The following FCRL3 variants were observed in gnomAD, a reference collection of about 807,000 sequenced individuals.
FCRL3 encodes the protein Fc receptor-like protein 3.
In FCRL3, 89 loss-of-function variants were observed where a neutral mutation model predicts 75.0. That is an observed-to-expected ratio of 1.19 (90% CI 1.00 to 1.42). The LOEUF (loss-of-function observed/expected upper bound fraction) is 1.42. Ranked by LOEUF, FCRL3 falls within the 40% of genes most tolerant of loss-of-function variation. The probability of loss-of-function intolerance (pLI) is 0.00; values close to 1 mark genes in which losing one functional copy is unlikely to be tolerated. For missense variants in FCRL3, 946 were observed against 880.0 expected, an observed-to-expected ratio of 1.07 and a Z score of -0.95; for synonymous variants, 376 against 348.5, an observed-to-expected ratio of 1.08 and a Z score of -0.88.
At position 157,680,706 on chromosome 1, in the gene FCRL3, G is replaced by A. The variant is rs1654780728; in HGVS notation, c.2022C>T (p.Asn674=). The A allele has an allele frequency of 6.2e-7, 1 of 1,613,952 alleles. No individual in the cohort carries two copies. The highest frequency in any genetic ancestry group is 8.5e-7 in the Non-Finnish European group (1 of 1,179,886). The change falls in exon 13 of 15, where the codon AAC becomes AAT. Residue 674 remains asparagine (N), a synonymous_variant. Coordinates refer to ENST00000368184, the MANE Select transcript of FCRL3 (RefSeq NM_052939.4). ...QIWSIQHTKE[N]SANCPMMHQE... ...TTTGCCTGAAAGGCATCTTACCTGA[G>A]TTTTCTTTTGTATGCTGGATGCTCC... is the stretch of plus-strand genomic sequence containing the variant.
Position 157,697,957 on chromosome 1 carries a change from G to A in FCRL3, c.299-38C>T, listed in dbSNP as rs745978121. The A allele has an allele frequency of 1.2e-5, 19 of 1,595,648 alleles. No individual in the cohort carries two copies. In the Admixed American group the frequency reaches 3.1e-4, roughly 26 times the overall value. ...CAGGAGCACACTCAGGTTATCCCCTGCTGTTTCTGCCTTCACTTTCATTTC... is the reference window on the plus strand; with the variant it reads ...CAGGAGCACACTCAGGTTATCCCCTACTGTTTCTGCCTTCACTTTCATTTC... On this transcript the variant is annotated intron_variant, in intron 4 of 14. Transcript: ENST00000368184.
intron 9 of FCRL3, 37 bp from the exon 10 acceptor site, chr1:157,689,954 C>G (rs1276430436): frequency 1.2e-6 from 2 of 1,610,816 alleles, no homozygotes; most frequent in African/African-American, 2.7e-5. Context: ...TTCAGTGGCA[C>G]AGGTTTTGGA....
Position 157,690,461 on chromosome 1 carries a change from A to G in FCRL3, c.1484T>C (p.Leu495Pro), listed in dbSNP as rs144058263. 212 of 1,614,110 alleles carry G rather than the reference A, an allele frequency of 1.3e-4. No homozygotes were observed. The highest frequency in any genetic ancestry group is 6.6e-4 in the Middle Eastern group (4 of 6,084). ...AQAVVGDLLE[L>P]HCESLRGSFP... ...GGAGCCTCTCAGGGACTCACAGTGA[A>G]GCTCCAGCAGGTCCCCCACCACAGC... The change falls in exon 9 of 15, where the codon CTT (leucine) becomes CCT (proline). Residue 495 changes from leucine to proline, a missense_variant. Physicochemically the swap from Leu to Pro is moderately conservative, Grantham distance 98. Coordinates refer to ENST00000368184, the MANE Select transcript of FCRL3 (RefSeq NM_052939.4).
chr1:157,693,684 T>A (rs969900609), intron 8 of FCRL3, among the ~76,000 whole-genome samples: 1 of 151,904 alleles, frequency 6.6e-6, no homozygotes, highest in Non-Finnish European at 1.5e-5. Flanking sequence ...ATTTTCTTTC[T>A]CTCCTTCCTT....
At chr1:157,679,676 A>C (rs545149276) in intron 13 of FCRL3, among the ~76,000 whole-genome samples, 4 of 151,864 alleles carry the variant, frequency 2.6e-5, no homozygotes, top group Non-Finnish European at 5.9e-5. Context: ...TAAAAATACA[A>C]AATTTAGCTG....
intron 10 of FCRL3, among the ~76,000 whole-genome samples, chr1:157,687,526 G>A (rs993928602): frequency 1.4e-5 from 2 of 143,874 alleles, no homozygotes; most frequent in Non-Finnish European, 3.0e-5. Context: ...CAAAGATATG[G>A]TATCAATCTA....
Position 157,700,662 on chromosome 1 carries a change from C to A in FCRL3, c.-97G>T. ...GCTCTGAAAATGTGAATGTGGCTAC[C>A]TTCCTAAATGCTGTTTGTATCTCAA... On this transcript the variant is annotated splice_region_variant and 5_prime_UTR_variant, in exon 1 of 15. It adds an upstream start codon to the 5' untranslated region. Coordinates refer to ENST00000368184, the MANE Select transcript of FCRL3 (RefSeq NM_052939.4). 1 of 1,473,784 alleles carries A rather than the reference C, an allele frequency of 6.8e-7. No individual in the cohort carries two copies. The highest frequency in any genetic ancestry group is 9.0e-7 in the Non-Finnish European group (1 of 1,108,702). The allele number at this position is 1,473,784 out of a possible 1,614,324, so 91.3% of individuals were successfully genotyped here.
chr1:157,697,289 C>G lies in FCRL3; in HGVS notation c.695G>C (p.Ser232Thr), dbSNP rs1462010388. Reference protein sequence around the residue: ...VQLQFSLFRDSQTLGLGWSRS... With the variant: ...VQLQFSLFRDTQTLGLGWSRS... ...GCTCCAGCCCAATCCGAGGGTCTGG[C>G]TATCTCTGAAGAGGGAGAATTGCAG... is the stretch of plus-strand genomic sequence containing the variant. The change falls in exon 6 of 15, where the codon AGC becomes ACC. Residue 232 changes from serine to threonine, a missense_variant. By Grantham distance (58) the Ser-to-Thr change is moderately conservative. Transcript: ENST00000368184. The G allele has an allele frequency of 6.2e-7, 1 of 1,612,560 alleles. No individual in the cohort carries two copies. The highest frequency in any genetic ancestry group is 1.3e-5 in the African/African-American group (1 of 74,886).
intron 10 of FCRL3, among the ~76,000 whole-genome samples, chr1:157,684,802 T>A (rs1299927018): frequency 6.6e-6 from 1 of 152,106 alleles, no homozygotes; most frequent in Non-Finnish European, 1.5e-5. Flanking sequence ...AGATTTACTA[T>A]AGAGTCAAAA....
Position 157,690,386 on chromosome 1 carries a change from A to G in FCRL3, c.1559T>C (p.Ile520Thr). Residue 520 changes from isoleucine (I) to threonine (T), a missense_variant, in exon 9 of 15, where the codon ATC (isoleucine) becomes ACC (threonine). Ile to Thr is a moderately conservative substitution (Grantham distance 89). Transcript: ENST00000368184. Reference sequence around the variant, plus strand: ...TGCCCCTCCTCCAGAGTGGGCCGAGATGTTCCCCAAGGTGTCATCCTCGTG... The same window carrying G: ...TGCCCCTCCTCCAGAGTGGGCCGAGGTGTTCCCCAAGGTGTCATCCTCGTG... ...FYHEDDTLGNISAHSGGGASF... is the reference protein window; with the variant it reads ...FYHEDDTLGNTSAHSGGGASF... 6.2e-7 allele frequency: 1 copy of G among 1,614,192 alleles called. No homozygotes were observed. Among genetic ancestry groups the G allele is most frequent in the Admixed American group, 1.7e-5 (1 of 60,026 alleles).
chr1:157,682,155 A>C (rs1034175827), intron 11 of FCRL3, among the ~76,000 whole-genome samples: 1 of 152,164 alleles, frequency 6.6e-6, no homozygotes, highest in Admixed American at 6.5e-5. Flanking sequence ...CGTTTGTCAG[A>C]TGAGTAGGTT....
At chr1:157,696,791 G>A (rs1655937376) in intron 6 of FCRL3, 1 of 226,562 alleles carries the variant, frequency 4.4e-6, no homozygotes, top group Admixed American at 5.1e-5. Context: ...GGACTATTTT[G>A]TTGTGAGTTC....
In FCRL3 at chr1:157,698,454, C is replaced by A; in HGVS notation, c.228G>T (p.Glu76Asp). 6.2e-7 allele frequency: 1 copy of A among 1,614,192 alleles called. No homozygotes were observed. Among genetic ancestry groups the A allele is most frequent in the Non-Finnish European group, 8.5e-7 (1 of 1,180,030 alleles). The change falls in exon 4 of 15, where the codon GAG (glutamate) becomes GAT (aspartate). Residue 76 changes from glutamate (E) to aspartate (D), a missense_variant. By Grantham distance (45) the Glu-to-Asp change is conservative (BLOSUM62 2). Transcript: ENST00000368184. The part of the protein sequence containing the change: ...KIKHDKIQIT[E>D]PGNYQCKTRG... ...GGGTCTTACATTGGTAATTTCCAGG[C>A]TCTGTAATTTGGATCTTGTCATGTT...
chr1:157,695,907 C>G (rs1229788701), intron 7 of FCRL3, 133 bp downstream of exon 7: 3 of 307,098 alleles, frequency 9.8e-6, no homozygotes, highest in Admixed American at 4.4e-5. Flanking sequence ...CTCTCTCCCC[C>G]TCTCTCTCTC....
At chr1:157,698,323 C>T in intron 4 of FCRL3, 61 bp downstream of exon 4, 1 of 1,597,800 alleles carries the variant, frequency 6.3e-7, no homozygotes, top group Middle Eastern at 1.7e-4. Context: ...CCTGCATTAA[C>T]CCGGCCCTCA....
At chr1:157,683,128 C>T (rs1654951903) in intron 11 of FCRL3, 89 bp downstream of exon 11, 1 of 1,410,012 alleles carries the variant, frequency 7.1e-7, no homozygotes, top group African/African-American at 1.5e-5. Context: ...ACTAGGAAAT[C>T]CATTGAAATT....
rs963474346 is a variant in FCRL3, at chr1:157,695,997, C to T, written c.1132+43G>A. On this transcript the variant is annotated intron_variant, in intron 7 of 14. Transcript: ENST00000368184. Reference sequence around the variant, plus strand: ...TAGTGGCTGACAGAGAACCTAAACCCTGGCTTGCAACTCGAGGCTGTGTGA... The same window carrying T: ...TAGTGGCTGACAGAGAACCTAAACCTTGGCTTGCAACTCGAGGCTGTGTGA... The T allele has an allele frequency of 5.1e-6, 8 of 1,558,766 alleles. No individual in the cohort carries two copies. In the African/African-American group the frequency reaches 1.1e-4, roughly 22 times the overall value.
In FCRL3 at chr1:157,676,909, G is replaced by A; in HGVS notation, c.*1801C>T. ...GAGAGCCTCCATATACAGCCTGGTG[G>A]TTGGTACCCAAAACCGGTTTACATA... is the stretch of plus-strand genomic sequence containing the variant. On this transcript the variant is annotated 3_prime_UTR_variant, in exon 15 of 15. Coordinates refer to ENST00000368184, the MANE Select transcript of FCRL3 (RefSeq NM_052939.4). 1.4e-6 allele frequency: 2 copies of A among 1,446,524 alleles called. No individual in the cohort carries two copies. Among genetic ancestry groups the A allele is most frequent in the East Asian group, 5.0e-5 (2 of 39,772 alleles). 89.6% of individuals were successfully genotyped at this position (1,446,524 alleles called of 1,614,324 possible).
In FCRL3 at chr1:157,697,515, G is replaced by C. The variant is rs539447148; in HGVS notation, c.560-91C>G. On this transcript the variant is annotated intron_variant, in intron 5 of 14. Coordinates refer to ENST00000368184, the MANE Select transcript of FCRL3 (RefSeq NM_052939.4). ...GTCATCTCAGCACCAGCCATCAGGAGATAGAGAAGCATGCAGAAGGAACCA... is the reference window on the plus strand; with the variant it reads ...GTCATCTCAGCACCAGCCATCAGGACATAGAGAAGCATGCAGAAGGAACCA... The C allele has an allele frequency of 2.7e-6, 4 of 1,479,808 alleles. No individual in the cohort carries two copies. In the South Asian group the frequency reaches 4.1e-5, roughly 15 times the overall value. 91.7% of individuals were successfully genotyped at this position (1,479,808 alleles called of 1,614,324 possible).
Sources: allele counts gnomAD v4.1 joint callset (sites outside exome capture counted in the v4.1 genomes callset), GRCh38; gene constraint gnomAD v4.1.1; transcripts MANE v1.5; gene names NCBI Gene and HGNC (gene_info 2026-07-23, HGNC 2026-07-21).